Variants in NOMO2 observed in about 807,000 individuals in gnomAD.
NOMO2 encodes BOS complex subunit NOMO2.
In NOMO2, 14 loss-of-function variants were observed where a neutral mutation model predicts 67.1. The observed-to-expected ratio is 0.21, with a 90% CI of 0.14 to 0.33. NOMO2 has a LOEUF of 0.33. Among genes scored for constraint, NOMO2 ranks in the 10% least tolerant of loss-of-function variants. The probability of loss-of-function intolerance (pLI) is 1.00; values close to 1 mark genes in which losing one functional copy is unlikely to be tolerated. For synonymous variants in NOMO2, 80 were observed against 305.9 expected (o/e 0.26, Z 7.71); for missense variants, 178 against 761.0 (o/e 0.23, Z 9.01).
At chr16:18,558,925 A>G (rs530549874) in intron 1 of NOMO2, 43 of 451,328 alleles carry the variant, frequency 9.5e-5, no homozygotes, top group African/African-American at 4.6e-4. Context: ...TAATCCCAGC[A>G]CTTTGGGAGG....
At chr16:18,544,658 C>A (rs1483946934) in intron 6 of NOMO2, among the ~76,000 whole-genome samples, 1 of 152,090 alleles carries the variant, frequency 6.6e-6, no homozygotes, top group African/African-American at 2.4e-5. Flanking sequence ...CGCAACAGTG[C>A]CACAGTCACT....
chr16:18,561,191 A>AAAAAAC (rs1567249205), intron 1 of NOMO2, among the ~76,000 whole-genome samples: 2 of 141,130 alleles, frequency 1.4e-5, no homozygotes, highest in East Asian at 4.3e-4. Flanking sequence ...AAAAAAAAAA[A>AAAAAAC]AAAAAAAAAA....
At chr16:18,535,619 C>T (rs1487653369) in intron 11 of NOMO2, among the ~76,000 whole-genome samples, 1 of 151,990 alleles carries the variant, frequency 6.6e-6, no homozygotes, top group Admixed American at 6.6e-5. Context: ...CCCTCCCTCG[C>T]CTGCCAGCCG....
rs545853663 is a variant in NOMO2, at chr16:18,561,952, T to C, written c.89A>G (p.His30Arg). Residue 30 changes from histidine (H) to arginine (R), a missense_variant, in exon 1 of 31, where the codon CAC (histidine) becomes CGC (arginine). Transcript: ENST00000622306. Reference protein sequence around the residue: ...VLLLSGVGPAHGSEDIVVGCG... With the variant: ...VLLLSGVGPARGSEDIVVGCG... ...GCCCACCACGATGTCCTCCGAGCCG[T>C]GCGCCGGCCCCACGCCGCTCAGCAG... 6.4e-7 allele frequency: 1 copy of C among 1,572,462 alleles called. No individual in the cohort carries two copies. Among genetic ancestry groups the C allele is most frequent in the South Asian group, 1.2e-5 (1 of 86,176 alleles).
At chr16:18,561,190 A>AC (rs1445053653) in intron 1 of NOMO2, among the ~76,000 whole-genome samples, 2,383 of 141,270 alleles carry the variant, frequency 0.017, 64 homozygotes, top group Middle Eastern at 0.026. Context: ...AAAAAAAAAA[A>AC]AAAAAAAAAA....
intron 16 of NOMO2, among the ~76,000 whole-genome samples, chr16:18,526,505 A>C (rs1901150131): frequency 6.6e-6 from 1 of 151,880 alleles, no homozygotes; most frequent in Admixed American, 6.6e-5. Flanking sequence ...CAAACTGGAA[A>C]CCACTCAAAT....
intron 1 of NOMO2, chr16:18,558,998 C>T: frequency 2.8e-6 from 1 of 353,146 alleles, no homozygotes; most frequent in Non-Finnish European, 5.8e-6. Context: ...ACACCTCATC[C>T]CTACTAGAAA....
In NOMO2 at chr16:18,529,217, T is replaced by C. The variant is rs572136764; in HGVS notation, c.1806+284A>G. Among the ~76,000 whole-genome samples the C allele has an allele frequency of 6.6e-4, 99 of 150,580 alleles. No homozygotes were observed. The South Asian group carries it at 0.021, about 32-fold the overall frequency. On this transcript the variant is annotated intron_variant, in intron 15 of 30. Transcript: ENST00000622306. ...ATTTACCCGAAGCTATTATTACTAATAATATAAAGCCAGTGTGCTCTGCAC... is the reference window on the plus strand; with the variant it reads ...ATTTACCCGAAGCTATTATTACTAACAATATAAAGCCAGTGTGCTCTGCAC...
At chr16:18,560,988 G>C (rs1053212383) in intron 1 of NOMO2, among the ~76,000 whole-genome samples, 58 of 150,436 alleles carry the variant, frequency 3.9e-4, no homozygotes, top group African/African-American at 1.1e-3. Flanking sequence ...CCTCTTCCTT[G>C]TCCTACCCCA....
chr16:18,525,072 CA>C (rs1158602964), intron 16 of NOMO2, among the ~76,000 whole-genome samples: 1 of 147,882 alleles, frequency 6.8e-6, no homozygotes, highest in Non-Finnish European at 1.5e-5. Context: ...GGAACACAGT[CA>C]ATTTCAGGAA....
chr16:18,523,339 CA>C (rs1279667120), intron 18 of NOMO2, among the ~76,000 whole-genome samples: 1 of 14,914 alleles, frequency 6.7e-5, no homozygotes. Context: ...GGTACCTCAC[CA>C]CACTGCAAAA....
At chr16:18,539,549 C>G (rs561263517) in intron 9 of NOMO2, among the ~76,000 whole-genome samples, 35 of 152,070 alleles carry the variant, frequency 2.3e-4, no homozygotes, top group African/African-American at 7.0e-4. Context: ...TTGAGGTCAG[C>G]AGTCCAAGAC....
At chr16:18,549,377 G>C (rs1901726937) in intron 5 of NOMO2, 144 bp downstream of exon 5, 1 of 1,471,300 alleles carries the variant, frequency 6.8e-7, no homozygotes, top group African/African-American at 1.4e-5. Context: ...TCAGCACTCT[G>C]ACGGGCATGA....
chr16:18,558,057 T>C (rs1286701514), intron 1 of NOMO2, among the ~76,000 whole-genome samples: 10 of 150,938 alleles, frequency 6.6e-5, no homozygotes, highest in African/African-American at 2.4e-4. Context: ...TTAGTGGCTG[T>C]CTCTAGGTTG....
chr16:18,561,800 AC>A, intron 1 of NOMO2, 75 bp downstream of exon 1: 1 of 1,477,108 alleles, frequency 6.8e-7, no homozygotes, highest in Non-Finnish European at 9.0e-7. Context: ...GGTGTCAGAG[AC>A]GAGGCCAGCG....
chr16:18,528,989 ATAC>A (rs1901222784), intron 15 of NOMO2, among the ~76,000 whole-genome samples: 2 of 36,248 alleles, frequency 5.5e-5, no homozygotes, highest in African/African-American at 8.7e-5. Context: ...AAAAAAAAAA[ATAC>A]ATATATATAT....
chr16:18,544,921 G>A (rs1289688695), intron 6 of NOMO2, among the ~76,000 whole-genome samples: 17 of 151,578 alleles, frequency 1.1e-4, no homozygotes, highest in African/African-American at 2.9e-4. Context: ...ACTTGCTTCC[G>A]GTCACTAACA....
At chr16:18,561,848 G>A in intron 1 of NOMO2, 28 bp downstream of exon 1, 1 of 1,544,514 alleles carries the variant, frequency 6.5e-7, no homozygotes, top group Non-Finnish European at 8.7e-7. Flanking sequence ...CCGGCGACTC[G>A]GCGCCGGGCG....
At chr16:18,549,320 T>C (rs1289700338) in intron 5 of NOMO2, among the ~76,000 whole-genome samples, 2 of 150,456 alleles carry the variant, frequency 1.3e-5, no homozygotes, top group African/African-American at 4.9e-5. Flanking sequence ...ATCTCATCAA[T>C]GCTAGGCAAG....
Sources: gnomAD v4.1 joint callset for allele counts (sites outside exome capture counted in the v4.1 genomes callset) on GRCh38, gnomAD v4.1.1 for gene constraint, MANE v1.5 for transcripts, NCBI Gene and HGNC (gene_info 2026-07-23, HGNC 2026-07-21) for gene names.